Variants in ORC3 observed in about 807,000 individuals in gnomAD.
The protein encoded by ORC3 is homolog of latheo, Drosophila.
ORC3 carries 78 observed loss-of-function variants against 100.7 expected under a neutral mutation model. The observed-to-expected ratio is 0.77, with a 90% CI of 0.65 to 0.94. ORC3 has a LOEUF of 0.94. ORC3 is among the 40% of genes least tolerant of loss of function. The pLI is 0.00. For synonymous variants in ORC3, 295 were observed against 289.3 expected (o/e 1.02, Z -0.20); for missense variants, 789 against 823.9 (o/e 0.96, Z 0.52).
chr6:87,590,154 A>G lies in ORC3; in HGVS notation c.-15A>G, dbSNP rs747450079. ...AATCCCGAGTGCATCTGGAATACGC[A>G]GAGTCAGTAAGACCATGGCTACGTC... On this transcript the variant is annotated 5_prime_UTR_variant, in exon 1 of 20. Coordinates refer to ENST00000392844, the MANE Select transcript of ORC3 (RefSeq NM_012381.4). The G allele has an allele frequency of 4.0e-5, 65 of 1,611,500 alleles. No homozygotes were observed. The highest frequency in any genetic ancestry group is 2.7e-4 in the South Asian group (25 of 91,074).
intron 8 of ORC3, among the ~76,000 whole-genome samples, chr6:87,615,949 T>C (rs540106724): frequency 2.0e-5 from 3 of 152,082 alleles, no homozygotes; most frequent in African/African-American, 7.2e-5. Context: ...TCAGTAGTAA[T>C]GAAAAAAATC....
At chr6:87,614,976 ACT>A (rs1779056984) in intron 8 of ORC3, among the ~76,000 whole-genome samples, 1 of 151,982 alleles carries the variant, frequency 6.6e-6, no homozygotes, top group Admixed American at 6.6e-5. Flanking sequence ...GCAGTGCCCC[ACT>A]CTACTGGTAC....
intron 16 of ORC3, 55 bp from the exon 17 acceptor site, chr6:87,662,948 T>C (rs1770308719): frequency 8.2e-7 from 1 of 1,219,476 alleles, no homozygotes; most frequent in Non-Finnish European, 1.1e-6. Flanking sequence ...ATATTATATA[T>C]AAAGAAAATA....
At chr6:87,641,909 C>A (rs1209187791) in intron 13 of ORC3, among the ~76,000 whole-genome samples, 1 of 152,160 alleles carries the variant, frequency 6.6e-6, no homozygotes, top group Non-Finnish European at 1.5e-5. Flanking sequence ...GGAAAAATGA[C>A]ACAGCTCCAC....
chr6:87,675,804 TCTC>T, the ORC3 span: 1 of 1,529,268 alleles, frequency 6.5e-7, no homozygotes, highest in Non-Finnish European at 9.0e-7. Context: ...TATAATGTCT[TCTC>T]CTTAAAAGAC....
At chr6:87,598,681 G>A (rs1478551214) in intron 2 of ORC3, among the ~76,000 whole-genome samples, 1 of 146,730 alleles carries the variant, frequency 6.8e-6, no homozygotes, top group African/African-American at 2.5e-5. Context: ...TTCATTATGT[G>A]GCTCTAAGAC....
chr6:87,620,368 TAGGC>T (rs1214789299), intron 9 of ORC3, among the ~76,000 whole-genome samples: 1 of 152,242 alleles, frequency 6.6e-6, no homozygotes, highest in Admixed American at 6.5e-5. Flanking sequence ...GTTTCTAAGT[TAGGC>T]AGGCCCTTTG....
chr6:87,670,609 T>C (rs561088830), downstream of ORC3, among the ~76,000 whole-genome samples: 2 of 152,340 alleles, frequency 1.3e-5, no homozygotes, highest in South Asian at 2.1e-4. Context: ...CATTCTGTAA[T>C]TCAGGAAACC....
chr6:87,597,834 G>A (rs571661798), intron 2 of ORC3, among the ~76,000 whole-genome samples: 3 of 150,970 alleles, frequency 2.0e-5, no homozygotes, highest in South Asian at 2.1e-4. Context: ...GATTACAGGC[G>A]TGAGTCACCA....
At chr6:87,673,173 T>C in the ORC3 span, among the ~76,000 whole-genome samples, 8 of 143,874 alleles carry the variant, frequency 5.6e-5, no homozygotes, top group East Asian at 1.2e-3. Context: ...TTTTTTTTTT[T>C]TTTTTGAGAC....
At chr6:87,656,115 G>T (rs760469936) in intron 14 of ORC3, among the ~76,000 whole-genome samples, 15 of 152,114 alleles carry the variant, frequency 9.9e-5, no homozygotes, top group Admixed American at 2.6e-4. Flanking sequence ...AGCAGTTATG[G>T]TTTTCTTTCC....
Position 87,653,812 on chromosome 6 carries a change from C to T in ORC3, c.1516+563C>T, listed in dbSNP as rs150176055. 6.6e-5 allele frequency among the ~76,000 whole-genome samples: 10 copies of T among 152,302 alleles called. No individual in the cohort carries two copies. The East Asian group carries it at 1.9e-3, about 29-fold the overall frequency. On this transcript the variant is annotated intron_variant, in intron 14 of 19. Transcript: ENST00000392844. ...AACTGAAGCAGCCTGGCACTCTTCACTGTTGGAGGGTTACAGTTTCTCTCT... is the reference window on the plus strand; with the variant it reads ...AACTGAAGCAGCCTGGCACTCTTCATTGTTGGAGGGTTACAGTTTCTCTCT...
At chr6:87,672,760 C>T in the ORC3 span, among the ~76,000 whole-genome samples, 1 of 152,154 alleles carries the variant, frequency 6.6e-6, no homozygotes, top group Non-Finnish European at 1.5e-5. Flanking sequence ...GTGTCAAGTG[C>T]TTGCCATAGG....
At chr6:87,610,538 T>A (rs1473191899) in intron 7 of ORC3, among the ~76,000 whole-genome samples, 1 of 149,260 alleles carries the variant, frequency 6.7e-6, no homozygotes, top group Non-Finnish European at 1.5e-5. Context: ...TAATATACTT[T>A]ATTTTTTTTT....
At chr6:87,666,205 G>C (rs977493425) in intron 19 of ORC3, among the ~76,000 whole-genome samples, 5 of 151,980 alleles carry the variant, frequency 3.3e-5, no homozygotes, top group African/African-American at 4.8e-5. Context: ...GATCTTGGCT[G>C]ACTGCAACGT....
At chr6:87,675,251 T>C in the ORC3 span, 2 of 299,790 alleles carry the variant, frequency 6.7e-6, no homozygotes, top group African/African-American at 2.1e-5. Context: ...TAACTTCATC[T>C]GAAGTGTCAT....
At chr6:87,620,637 A>G (rs1432625077) in intron 9 of ORC3, among the ~76,000 whole-genome samples, 1 of 152,240 alleles carries the variant, frequency 6.6e-6, no homozygotes, top group African/African-American at 2.4e-5. Flanking sequence ...GTTTGCTTAG[A>G]ATCAACATAA....
chr6:87,611,484 C>G (rs886726744), intron 7 of ORC3, among the ~76,000 whole-genome samples: 1 of 152,006 alleles, frequency 6.6e-6, no homozygotes, highest in African/African-American at 2.4e-5. Flanking sequence ...TCTTCTAACA[C>G]TTAAGATTGT....
At chr6:87,674,147 A>G in the ORC3 span, among the ~76,000 whole-genome samples, 1 of 150,942 alleles carries the variant, frequency 6.6e-6, no homozygotes, top group Non-Finnish European at 1.5e-5. Context: ...CTAAAAATAC[A>G]AAAAATTAGC....
Sources: gnomAD v4.1 joint callset for allele counts (sites outside exome capture counted in the v4.1 genomes callset) on GRCh38, gnomAD v4.1.1 for gene constraint, MANE v1.5 for transcripts, NCBI Gene and HGNC (gene_info 2026-07-23, HGNC 2026-07-21) for gene names.